Variants in ZFAND3 observed in about 807,000 individuals in gnomAD.
ZFAND3 encodes the protein AN1-type zinc finger protein 3.
In ZFAND3, 10 loss-of-function variants were observed where a neutral mutation model predicts 29.6. The ratio of observed to expected loss-of-function variants is 0.34; its 90% CI spans 0.21 to 0.57. The LOEUF is 0.57. Among genes scored for constraint, ZFAND3 ranks in the 20% least tolerant of loss-of-function variants. The probability of loss-of-function intolerance (pLI) is 0.86; values close to 1 mark genes in which losing one functional copy is unlikely to be tolerated. For missense variants in ZFAND3, 230 were observed against 304.5 expected, an observed-to-expected ratio of 0.76 and a Z score of 1.82; for synonymous variants, 128 against 112.6, an observed-to-expected ratio of 1.14 and a Z score of -0.87.
chr6:37,987,905 TAA>T (rs1318782118), intron 2 of ZFAND3, among the ~76,000 whole-genome samples: 1 of 152,184 alleles, frequency 6.6e-6, no homozygotes, highest in African/African-American at 2.4e-5. Flanking sequence ...ATATCCTCTT[TAA>T]AATAAGCTCT....
At chr6:37,988,695 C>T (rs538483384) in intron 2 of ZFAND3, among the ~76,000 whole-genome samples, 1 of 152,132 alleles carries the variant, frequency 6.6e-6, no homozygotes, top group East Asian at 1.9e-4. Context: ...TCTTCTGGTT[C>T]CTCTTGTTCC....
chr6:38,113,557 AAG>A (rs1011715471), intron 4 of ZFAND3, among the ~76,000 whole-genome samples: 2 of 152,200 alleles, frequency 1.3e-5, no homozygotes, highest in African/African-American at 4.8e-5. Context: ...TTAAGAGAAA[AAG>A]AGGTCAAGAC....
rs1279023806 is a variant in ZFAND3, at chr6:37,819,799, C to G, written c.-147C>G. 9.2e-6 allele frequency: 4 copies of G among 434,724 alleles called. No individual in the cohort carries two copies. Among genetic ancestry groups the G allele is most frequent in the South Asian group, 9.4e-5 (1 of 10,648 alleles). 26.9% of individuals were successfully genotyped at this position (434,724 alleles called of 1,614,324 possible). A position where few individuals can be genotyped will look rare whatever the true frequency, so the allele number is the denominator to read the frequency against. On this transcript the variant is annotated 5_prime_UTR_variant, in exon 1 of 6. Coordinates refer to ENST00000287218, the MANE Select transcript of ZFAND3 (RefSeq NM_021943.3). The stretch of plus-strand genomic sequence containing the variant: ...GGCCTGGAATCCCGGCTCCGAGCCC[C>G]GGACTCGCGCCCGCCCGCGCGCCCG...
chr6:38,079,197 TTAACTC>T (rs1764610156), intron 3 of ZFAND3, among the ~76,000 whole-genome samples: 1 of 152,208 alleles, frequency 6.6e-6, no homozygotes, highest in South Asian at 2.1e-4. Flanking sequence ...CAGACCAAAT[TTAACTC>T]TAAGCTCTCT....
At chr6:37,912,180 C>T (rs147029688) in intron 1 of ZFAND3, among the ~76,000 whole-genome samples, 1,760 of 152,084 alleles carry the variant, frequency 0.012, 18 homozygotes, top group Non-Finnish European at 0.02. Flanking sequence ...TGTGGCTCAT[C>T]ACCAGTCCCC....
intron 3 of ZFAND3, among the ~76,000 whole-genome samples, chr6:38,074,397 G>A (rs1764513760): frequency 6.6e-6 from 1 of 152,030 alleles, no homozygotes; most frequent in Non-Finnish European, 1.5e-5. Context: ...AATTTCATAT[G>A]GGATAAATAT....
intron 2 of ZFAND3, chr6:38,003,898 A>G (rs1237045761): frequency 2.8e-6 from 1 of 360,894 alleles, no homozygotes; most frequent in Non-Finnish European, 5.5e-6. Context: ...AGTTTGCTCT[A>G]ACCTGCTGCC....
chr6:38,115,823 G>A (rs1765405632), intron 4 of ZFAND3, among the ~76,000 whole-genome samples: 1 of 148,222 alleles, frequency 6.7e-6, no homozygotes, highest in Non-Finnish European at 1.5e-5. Context: ...TTTTGAAGTT[G>A]TGCAAGACAC....
intron 1 of ZFAND3, among the ~76,000 whole-genome samples, chr6:37,885,545 G>A (rs1367558722): frequency 6.6e-6 from 1 of 152,170 alleles, no homozygotes; most frequent in Non-Finnish European, 1.5e-5. Flanking sequence ...TTGAGAGACT[G>A]AGGCAGGAGA....
chr6:37,907,200 A>G (rs1211526884), intron 1 of ZFAND3, among the ~76,000 whole-genome samples: 2 of 152,118 alleles, frequency 1.3e-5, no homozygotes. Context: ...AGATCATAGA[A>G]TATTCCTCTC....
chr6:37,864,722 T>C (rs1764554310), intron 1 of ZFAND3, among the ~76,000 whole-genome samples: 1 of 146,054 alleles, frequency 6.8e-6, no homozygotes, highest in Admixed American at 6.9e-5. Context: ...TTTATGTATG[T>C]TTATATATGT....
chr6:38,152,278 C>A lies in ZFAND3; in HGVS notation c.573C>A (p.Asp191Glu). ...TACATCGCCTCCCCGAGCAGCACGACTGCACATTCGACCACATGGGCCGTG... is the reference window on the plus strand; with the variant it reads ...TACATCGCCTCCCCGAGCAGCACGAATGCACATTCGACCACATGGGCCGTG... ...CMLHRLPEQH[D>E]CTFDHMGRGR... The change falls in exon 6 of 6, where the codon GAC (aspartate) becomes GAA (glutamate). Residue 191 changes from aspartate (D) to glutamate (E), a missense_variant. Physicochemically the swap from Asp to Glu is conservative, Grantham distance 45 (BLOSUM62 2). Transcript: ENST00000287218. 1 of 1,603,168 alleles carries A rather than the reference C, an allele frequency of 6.2e-7. No homozygotes were observed. Among genetic ancestry groups the A allele is most frequent in the South Asian group, 1.1e-5 (1 of 89,518 alleles).
intron 1 of ZFAND3, among the ~76,000 whole-genome samples, chr6:37,902,677 T>C (rs1350908863): frequency 6.6e-6 from 1 of 151,930 alleles, no homozygotes; most frequent in African/African-American, 2.4e-5. Flanking sequence ...AAAGTAATTT[T>C]AATTGAATGT....
intron 1 of ZFAND3, among the ~76,000 whole-genome samples, chr6:37,860,160 C>T (rs927824014): frequency 5.4e-5 from 8 of 147,534 alleles, no homozygotes; most frequent in East Asian, 1.9e-4. Flanking sequence ...CGTGAACCAC[C>T]GTGCCAGGCC....
chr6:37,995,013 C>T (rs1033958686), intron 2 of ZFAND3, among the ~76,000 whole-genome samples: 3 of 152,230 alleles, frequency 2.0e-5, no homozygotes, highest in African/African-American at 7.2e-5. Context: ...CAGTGTGTAG[C>T]AGTTTAACAG....
intron 1 of ZFAND3, among the ~76,000 whole-genome samples, chr6:37,921,892 A>C (rs1312278582): frequency 1.3e-5 from 2 of 150,904 alleles, no homozygotes; most frequent in Non-Finnish European, 2.9e-5. Flanking sequence ...CAAAAAAAAA[A>C]AAAAAACAAA....
intron 1 of ZFAND3, among the ~76,000 whole-genome samples, chr6:37,873,853 T>C (rs1373497912): frequency 6.6e-6 from 1 of 152,164 alleles, no homozygotes; most frequent in African/African-American, 2.4e-5. Context: ...CATAAACGAA[T>C]AAGGAATAAA....
chr6:38,125,295 A>C (rs1765614177), intron 5 of ZFAND3, among the ~76,000 whole-genome samples: 1 of 152,212 alleles, frequency 6.6e-6, no homozygotes, highest in East Asian at 1.9e-4. Flanking sequence ...GTAAATTGCA[A>C]CTTGAGATGT....
chr6:38,000,765 G>A (rs918284050), intron 2 of ZFAND3, among the ~76,000 whole-genome samples: 3 of 152,158 alleles, frequency 2.0e-5, no homozygotes, highest in African/African-American at 7.2e-5. Context: ...AAGACTAAAA[G>A]ACAAAAAGAA....
Sources: allele counts gnomAD v4.1 joint callset (sites outside exome capture counted in the v4.1 genomes callset), GRCh38; gene constraint gnomAD v4.1.1; transcripts MANE v1.5; gene names NCBI Gene and HGNC (gene_info 2026-07-23, HGNC 2026-07-21).